The following ADAMTS6 variants were observed in gnomAD, a reference collection of about 807,000 sequenced individuals.
The protein encoded by ADAMTS6 is A disintegrin and metalloproteinase with thrombospondin motifs 6.
A neutral mutation model predicts 144.3 loss-of-function variants in ADAMTS6; 23 were observed. The ratio of observed to expected loss-of-function variants is 0.16; its 90% CI spans 0.11 to 0.23. ADAMTS6 has a LOEUF of 0.23. Ranked by LOEUF, ADAMTS6 falls within the 10% of genes least tolerant of loss-of-function variation. ADAMTS6 has a pLI of 1.00. For synonymous variants in ADAMTS6, 444 were observed against 457.5 expected, an observed-to-expected ratio of 0.97 and a Z score of 0.38; for missense variants, 999 against 1,379.6, an observed-to-expected ratio of 0.72 and a Z score of 4.37.
At chr5:65,280,092 G>A (rs989784541) in intron 11 of ADAMTS6, among the ~76,000 whole-genome samples, 1 of 152,128 alleles carries the variant, frequency 6.6e-6, no homozygotes, top group African/African-American at 2.4e-5. Context: ...CTTATGTGAG[G>A]CACAAGCCTG....
intron 1 of ADAMTS6, among the ~76,000 whole-genome samples, chr5:65,474,764 T>TAA (rs1453579338): frequency 3.2e-5 from 1 of 31,372 alleles, no homozygotes; most frequent in Admixed American, 4.1e-4. Context: ...AACTAAGAGC[T>TAA]AAAAACTAGC....
intron 7 of ADAMTS6, among the ~76,000 whole-genome samples, chr5:65,368,875 T>C (rs929736606): frequency 6.6e-6 from 1 of 152,122 alleles, no homozygotes; most frequent in African/African-American, 2.4e-5. Flanking sequence ...GCCAACATGG[T>C]GAAACCCCGT....
chr5:65,267,153 C>G (rs1761686489), intron 12 of ADAMTS6, among the ~76,000 whole-genome samples: 1 of 151,966 alleles, frequency 6.6e-6, no homozygotes, highest in South Asian at 2.1e-4. Context: ...AGTTACCAAA[C>G]CTGTAAAAGC....
chr5:65,210,008 C>T (rs540421628), intron 20 of ADAMTS6: 118 of 202,426 alleles, frequency 5.8e-4, no homozygotes, highest in African/African-American at 2.7e-3. Flanking sequence ...TGCTTATGCC[C>T]ATATGTAAGG....
At position 65,149,462 on chromosome 5, in the gene ADAMTS6, C is replaced by T. The variant is rs1035025264; in HGVS notation, c.*2374G>A. The T allele has an allele frequency of 3.9e-5, 6 of 152,250 alleles. No individual in the cohort carries two copies. Among genetic ancestry groups the T allele is most frequent in the South Asian group, 2.1e-4 (1 of 4,826 alleles). The allele number at this position is 152,250 out of a possible 1,614,324, so 9.4% of individuals were successfully genotyped here. On this transcript the variant is annotated 3_prime_UTR_variant, in exon 25 of 25. Transcript: ENST00000381055. Reference sequence around the variant, plus strand: ...CTAGAAAGGCACTCTGATGCTGCCCCGGGGGATGCCTGCATTTTGTTCTCA... The same window carrying T: ...CTAGAAAGGCACTCTGATGCTGCCCTGGGGGATGCCTGCATTTTGTTCTCA...
At chr5:65,294,940 T>G (rs1742689025) in intron 10 of ADAMTS6, among the ~76,000 whole-genome samples, 1 of 152,134 alleles carries the variant, frequency 6.6e-6, no homozygotes, top group Non-Finnish European at 1.5e-5. Flanking sequence ...TTTTGAGACT[T>G]TATATAAAAG....
At position 65,252,980 on chromosome 5, in the gene ADAMTS6, C is replaced by T. The variant is rs993878636; in HGVS notation, c.1830+7620G>A. On this transcript the variant is annotated intron_variant, in intron 14 of 24. Coordinates refer to ENST00000381055, the MANE Select transcript of ADAMTS6 (RefSeq NM_197941.4). ...TCAGCTTACTGTAGCCTCAACCTCC[C>T]GGGCTCAGGTGATCCTCCCATTTCA... Among the ~76,000 whole-genome samples the T allele has an allele frequency of 1.8e-4, 28 of 152,190 alleles. No individual in the cohort carries two copies. In the East Asian group the frequency reaches 2.9e-3, roughly 16 times the overall value.
intron 7 of ADAMTS6, among the ~76,000 whole-genome samples, chr5:65,409,189 C>CA (rs1402331091): frequency 2.6e-5 from 4 of 151,840 alleles, no homozygotes; most frequent in African/African-American, 9.7e-5. Context: ...AAAAACCCTT[C>CA]AAAAAATCAA....
intron 22 of ADAMTS6, among the ~76,000 whole-genome samples, chr5:65,186,986 C>T (rs951409004): frequency 6.6e-6 from 1 of 152,112 alleles, no homozygotes; most frequent in Non-Finnish European, 1.5e-5. Context: ...TCCAAAGGTT[C>T]CTAAAGAACA....
At chr5:65,398,394 G>A (rs1753533800) in intron 7 of ADAMTS6, among the ~76,000 whole-genome samples, 4 of 152,082 alleles carry the variant, frequency 2.6e-5, no homozygotes, top group Admixed American at 2.0e-4. Flanking sequence ...CTTTATCCTT[G>A]ATAACTTTCC....
At chr5:65,172,528 T>C (rs1272275225) in intron 23 of ADAMTS6, among the ~76,000 whole-genome samples, 3 of 152,208 alleles carry the variant, frequency 2.0e-5, no homozygotes, top group African/African-American at 7.2e-5. Flanking sequence ...ATCCAAAGTT[T>C]TGGTAGCTTG....
At chr5:65,288,006 T>C (rs1420569082) in intron 11 of ADAMTS6, among the ~76,000 whole-genome samples, 1 of 152,182 alleles carries the variant, frequency 6.6e-6, no homozygotes, top group Non-Finnish European at 1.5e-5. Context: ...TCCTCACAAC[T>C]TCTATAGGAA....
intron 14 of ADAMTS6, among the ~76,000 whole-genome samples, chr5:65,245,298 T>G (rs939697540): frequency 3.9e-5 from 6 of 152,158 alleles, no homozygotes; most frequent in Admixed American, 6.6e-5. Flanking sequence ...GAGGCACTAG[T>G]TGGAGAAGCC....
chr5:65,416,644 G>C (rs1755538400), intron 7 of ADAMTS6, among the ~76,000 whole-genome samples: 1 of 151,836 alleles, frequency 6.6e-6, no homozygotes. Context: ...GGGAGGCTGT[G>C]GCAAGAGAAT....
intron 7 of ADAMTS6, among the ~76,000 whole-genome samples, chr5:65,444,179 G>A (rs1758089130): frequency 6.6e-6 from 1 of 152,092 alleles, no homozygotes; most frequent in Admixed American, 6.6e-5. Flanking sequence ...AACACCTGAG[G>A]TCAGGAGTTC....
intron 7 of ADAMTS6, among the ~76,000 whole-genome samples, chr5:65,421,269 A>G (rs544436371): frequency 6.6e-6 from 1 of 152,334 alleles, no homozygotes; most frequent in African/African-American, 2.4e-5. Context: ...TAATAGTGAC[A>G]AATGCCCTCA....
chr5:65,196,801 T>C (rs919581708), intron 21 of ADAMTS6, among the ~76,000 whole-genome samples: 3 of 152,098 alleles, frequency 2.0e-5, no homozygotes, highest in South Asian at 2.1e-4. Context: ...ACAAAATTCA[T>C]TGAAGTTCCT....
At chr5:65,304,867 A>C (rs1159229447) in intron 9 of ADAMTS6, among the ~76,000 whole-genome samples, 1 of 152,218 alleles carries the variant, frequency 6.6e-6, no homozygotes, top group African/African-American at 2.4e-5. Context: ...ATTCCAGATT[A>C]AATACTCAAA....
At chr5:65,166,924 A>C (rs989829968) in intron 24 of ADAMTS6, among the ~76,000 whole-genome samples, 14 of 145,898 alleles carry the variant, frequency 9.6e-5, no homozygotes, top group African/African-American at 3.5e-4. Context: ...CGCACAAGAG[A>C]AAGCAGGAAA....
Sources: gnomAD v4.1 joint callset for allele counts (sites outside exome capture counted in the v4.1 genomes callset) on GRCh38, gnomAD v4.1.1 for gene constraint, MANE v1.5 for transcripts, NCBI Gene and HGNC (gene_info 2026-07-23, HGNC 2026-07-21) for gene names.